RNPEPL1: variants seen among roughly 807,000 people sequenced by gnomAD.
RNPEPL1 encodes the protein aminopeptidase RNPEPL1.
In RNPEPL1, 46 loss-of-function variants were observed where a neutral mutation model predicts 69.0. That is an observed-to-expected ratio of 0.67 (90% CI 0.53 to 0.85). RNPEPL1 has a LOEUF of 0.85. Ranked by LOEUF, RNPEPL1 falls within the 40% of genes least tolerant of loss-of-function variation. The pLI is 0.00. For missense variants in RNPEPL1, 869 were observed against 992.5 expected (o/e 0.88, Z 1.67); for synonymous variants, 525 against 454.1 (o/e 1.16, Z -1.98).
Position 240,579,310 on chromosome 2 carries a change from C to T in RNPEPL1, c.*1418C>T, listed in dbSNP as rs2093046952. On this transcript the variant is annotated 3_prime_UTR_variant, in exon 11 of 11. Transcript: ENST00000270357. ...CCATCACTGTCCAGTCCCCAGTCACCAAATGTCCCACTCACCCTCCTTCCT... is the reference window on the plus strand; with the variant it reads ...CCATCACTGTCCAGTCCCCAGTCACTAAATGTCCCACTCACCCTCCTTCCT... 1 of 152,302 alleles carries T rather than the reference C, an allele frequency of 6.6e-6. No individual in the cohort carries two copies. Among genetic ancestry groups the T allele is most frequent in the South Asian group, 2.1e-4 (1 of 4,832 alleles). 9.4% of individuals were successfully genotyped at this position (152,302 alleles called of 1,614,324 possible).
At chr2:240,572,596 C>G in intron 2 of RNPEPL1, 33 bp downstream of exon 2, 1 of 1,535,002 alleles carries the variant, frequency 6.5e-7, no homozygotes. Flanking sequence ...CACCTTGCTC[C>G]CAGGACAGCC....
rs778981912 is a variant in RNPEPL1 at position 240,573,168 on chromosome 2, A to C, written c.728A>C (p.Glu243Ala). The part of the protein sequence containing the change: ...SATRSAYMEE[E>A]GVFHFHMEHP... ...ACCCGGAGTGCATACATGGAGGAAG[A>C]AGGCGTCTTCCACTTCCACATGGAG... Residue 243 changes from glutamate to alanine, a missense_variant, in exon 3 of 11, where the codon GAA becomes GCA. Glu to Ala is a moderately radical substitution (Grantham distance 107). Transcript: ENST00000270357. The C allele has an allele frequency of 1.9e-6, 3 of 1,608,384 alleles. No homozygotes were observed. The Admixed American group carries it at 5.0e-5, about 27-fold the overall frequency.
chr2:240,568,886 G>A lies in RNPEPL1; in HGVS notation c.300G>A (p.Thr100=). 3.2e-6 allele frequency: 4 copies of A among 1,265,096 alleles called. No homozygotes were observed. Among genetic ancestry groups the A allele is most frequent in the Admixed American group, 3.8e-5 (1 of 26,022 alleles). 78.4% of individuals were successfully genotyped at this position (1,265,096 alleles called of 1,614,324 possible). ...FRRAPAAAAE[T]PCAFAFSAPG... is the part of the protein sequence containing the mutation. Reference sequence around the variant, plus strand: ...GCGCCCCCGCCGCCGCCGCCGAGACGCCCTGCGCCTTCGCCTTCTCCGCCC... The same window carrying A: ...GCGCCCCCGCCGCCGCCGCCGAGACACCCTGCGCCTTCGCCTTCTCCGCCC... Residue 100 remains threonine, a synonymous_variant, in exon 1 of 11, where the codon ACG becomes ACA. Transcript: ENST00000270357. This position sits in a 1 kb window ranked among gnomAD's most constrained non-coding sequence, Gnocchi z 6.2.
intron 2 of RNPEPL1, 69 bp downstream of exon 2, chr2:240,572,632 C>G: frequency 1.3e-6 from 2 of 1,519,034 alleles, no homozygotes; most frequent in Non-Finnish European, 1.8e-6. Context: ...GCCGCCTCCC[C>G]CTTGCTCCTA....
Position 240,573,872 on chromosome 2 carries a change from G to A in RNPEPL1, c.919G>A (p.Gly307Arg), listed in dbSNP as rs2093029884. The A allele has an allele frequency of 6.4e-7, 1 of 1,572,144 alleles. No homozygotes were observed. The highest frequency in any genetic ancestry group is 8.6e-7 in the Non-Finnish European group (1 of 1,159,122). ...QWLSAAERLY[G>R]PYMWGRYDIV... is the part of the protein sequence containing the mutation. ...GCTGAGTGCAGCTGAGCGGCTGTAT[G>A]GGCCCTACATGTGGGGCAGGTAGGC... The change falls in exon 4 of 11, where the codon GGG becomes AGG. Residue 307 changes from glycine (G) to arginine (R), a missense_variant. Physicochemically the swap from Gly to Arg is moderately radical, Grantham distance 125. This residue lies in a region of RNPEPL1 where 610 missense variants were observed against 790.9 expected (regional missense o/e 0.77). Coordinates refer to ENST00000270357, the MANE Select transcript of RNPEPL1 (RefSeq NM_018226.6).
rs753262595 is a variant in RNPEPL1 at position 240,576,837 on chromosome 2, C to G, written c.1742-11C>G. 1.3e-5 allele frequency: 21 copies of G among 1,612,864 alleles called. No individual in the cohort carries two copies. In the South Asian group the frequency reaches 2.0e-4, roughly 15 times the overall value. On this transcript the variant is annotated splice_polypyrimidine_tract_variant and intron_variant, in intron 9 of 10. Transcript: ENST00000270357. ...CAGCGGCCCAGCCCTGACCTGCCCC[C>G]TGCGCTGCAGAGGTGGTGATGAGCC...
chr2:240,576,074 C>T (rs1229382106), intron 8 of RNPEPL1: 2 of 255,816 alleles, frequency 7.8e-6, no homozygotes, highest in South Asian at 5.6e-5. Context: ...ACTGGGAGGG[C>T]TGTGCATGGT....
intron 1 of RNPEPL1, 142 bp downstream of exon 1, chr2:240,569,256 T>G: frequency 7.8e-6 from 7 of 893,304 alleles, no homozygotes; most frequent in Admixed American, 4.6e-5. Context: ...TCCCAGCTGT[T>G]GCCTGTGAGC....
chr2:240,578,244 C>T lies in RNPEPL1; in HGVS notation c.*352C>T, dbSNP rs1575439913. 1 of 212,800 alleles carries T rather than the reference C, an allele frequency of 4.7e-6. No individual in the cohort carries two copies. Among genetic ancestry groups the T allele is most frequent in the Non-Finnish European group, 9.3e-6 (1 of 107,078 alleles). 13.2% of individuals were successfully genotyped at this position (212,800 alleles called of 1,614,324 possible). On this transcript the variant is annotated 3_prime_UTR_variant, in exon 11 of 11. Transcript: ENST00000270357. ...GCCCCAGCAGCCCTATGGTGACCGC[C>T]ACACTGTGCCTTAATGTCTGCCGGG...
rs1254383479 is a variant in RNPEPL1, at chr2:240,568,505, C to CCCG, written c.-67_-65dup. 164 of 697,286 alleles carry CCCG rather than the reference C, an allele frequency of 2.4e-4. No homozygotes were observed. The highest frequency in any genetic ancestry group is 7.4e-4 in the South Asian group (12 of 16,160). The allele number at this position is 697,286 out of a possible 1,614,324, so 43.2% of individuals were successfully genotyped here. A position where few individuals can be genotyped will look rare whatever the true frequency, so the allele number is the denominator to read the frequency against. On this transcript the variant is annotated 5_prime_UTR_variant, in exon 1 of 11. Transcript: ENST00000270357. This position sits in a 1 kb window ranked among gnomAD's most constrained non-coding sequence, Gnocchi z 6.2. ...GCGCGACTTCCTGTTGTGCCCGCGC[C>CCCG]CCGCCGCCGCCGCCGCCCGGCGCCC... is the stretch of plus-strand genomic sequence containing the variant.
At position 240,575,549 on chromosome 2, in the gene RNPEPL1, G is replaced by A; in HGVS notation, c.1449G>A (p.Leu483=). 6.2e-7 allele frequency: 1 copy of A among 1,613,554 alleles called. No homozygotes were observed. Among genetic ancestry groups the A allele is most frequent in the African/African-American group, 1.3e-5 (1 of 75,074 alleles). ...TCACCAGCGTGGTGGCCCAGGACCT[G>A]CTGGACTCCTTCCTGAGCTTCTTCC... The part of the protein sequence containing the change: ...YKFTSVVAQD[L]LDSFLSFFPE... Residue 483 remains leucine (L), a synonymous_variant, in exon 8 of 11, where the codon CTG becomes CTA. Transcript: ENST00000270357.
intron 1 of RNPEPL1, among the ~76,000 whole-genome samples, chr2:240,570,778 C>T (rs867690473): frequency 6.6e-6 from 1 of 152,210 alleles, no homozygotes; most frequent in Non-Finnish European, 1.5e-5. Flanking sequence ...CACCTGTGCC[C>T]GGGTGCCCTG....
chr2:240,574,427 C>CT (rs1359323244), intron 5 of RNPEPL1, 79 bp downstream of exon 5: 2 of 1,542,020 alleles, frequency 1.3e-6, no homozygotes, highest in East Asian at 4.7e-5. Flanking sequence ...CCTGGCCCCC[C>CT]TGCCATGCTG....
intron 8 of RNPEPL1, chr2:240,576,176 T>G (rs1264092317): frequency 8.3e-6 from 3 of 360,282 alleles, no homozygotes; most frequent in Non-Finnish European, 1.5e-5. Context: ...AATATCATCT[T>G]AAGAGCCTGT....
chr2:240,568,643 C>T lies in RNPEPL1; in HGVS notation c.57C>T (p.Arg19=). 9.9e-7 allele frequency: 1 copy of T among 1,006,562 alleles called. No homozygotes were observed. Among genetic ancestry groups the T allele is most frequent in the East Asian group, 1.0e-4 (1 of 9,526 alleles). 62.4% of individuals were successfully genotyped at this position (1,006,562 alleles called of 1,614,324 possible). Residue 19 remains arginine (R), a synonymous_variant, in exon 1 of 11, where the codon CGC becomes CGT. Coordinates refer to ENST00000270357, the MANE Select transcript of RNPEPL1 (RefSeq NM_018226.6). The surrounding 1 kb of genome is among the most constrained non-coding windows in gnomAD (Gnocchi z 6.2). ...QAPGAEAAPV[R]PPPEPPPALD... ...CCGGCGCCGAGGCCGCGCCCGTCCG[C>T]CCGCCGCCCGAGCCGCCGCCCGCCC...
In RNPEPL1 at chr2:240,574,484, C is replaced by T. The variant is rs1184165702; in HGVS notation, c.1175-31C>T. 9 of 1,587,660 alleles carry T rather than the reference C, an allele frequency of 5.7e-6. No homozygotes were observed. In the Admixed American group the frequency reaches 7.1e-5, roughly 12 times the overall value. On this transcript the variant is annotated intron_variant, in intron 5 of 10. Coordinates refer to ENST00000270357, the MANE Select transcript of RNPEPL1 (RefSeq NM_018226.6). ...TCCCCCGACGACCCCTACACCCCCTCACCTCTCCTCTGTCTCCGGACCCCA... is the reference window on the plus strand; with the variant it reads ...TCCCCCGACGACCCCTACACCCCCTTACCTCTCCTCTGTCTCCGGACCCCA...
intron 10 of RNPEPL1, 141 bp from the exon 11 acceptor site, chr2:240,577,458 T>C: frequency 1.1e-6 from 1 of 933,558 alleles, no homozygotes; most frequent in Admixed American, 2.7e-5. Flanking sequence ...GTAGGCCTCC[T>C]GGCCACCGGA....
chr2:240,575,178 AT>A, intron 7 of RNPEPL1, 36 bp downstream of exon 7: 7 of 1,527,758 alleles, frequency 4.6e-6, no homozygotes, highest in Non-Finnish European at 6.3e-6. Flanking sequence ...CCCTGCTGCC[AT>A]CTGCCCCCAG....
chr2:240,579,297 AG>A lies in RNPEPL1; in HGVS notation c.*1406del, dbSNP rs2093046915. 6.6e-6 allele frequency: 1 copy of A among 152,280 alleles called. No individual in the cohort carries two copies. Among genetic ancestry groups the A allele is most frequent in the Non-Finnish European group, 1.5e-5 (1 of 68,106 alleles). 9.4% of individuals were successfully genotyped at this position (152,280 alleles called of 1,614,324 possible). A position where few individuals can be genotyped will look rare whatever the true frequency, so the allele number is the denominator to read the frequency against. Reference sequence around the variant, plus strand: ...AATAACCCTGATACCATCACTGTCCAGTCCCCAGTCACCAAATGTCCCACTC... The same window carrying A: ...AATAACCCTGATACCATCACTGTCCATCCCCAGTCACCAAATGTCCCACTC... On this transcript the variant is annotated 3_prime_UTR_variant, in exon 11 of 11. Transcript: ENST00000270357.
Sources: allele counts gnomAD v4.1 joint callset (sites outside exome capture counted in the v4.1 genomes callset), GRCh38; gene constraint gnomAD v4.1.1; regional missense constraint gnomAD v4.1.1; non-coding constraint Gnocchi (gnomAD v3.1); transcripts MANE v1.5; gene names NCBI Gene and HGNC (gene_info 2026-07-23, HGNC 2026-07-21).